The following MYLK3 variants were observed in gnomAD, a reference collection of about 807,000 sequenced individuals.
The protein encoded by MYLK3 is MLC kinase.
Under a neutral mutation model 76.3 loss-of-function variants are expected in MYLK3, and 55 were observed. The observed-to-expected ratio is 0.72, with a 90% CI of 0.58 to 0.90. The LOEUF (loss-of-function observed/expected upper bound fraction) is 0.90. Among genes scored for constraint, MYLK3 ranks in the 40% least tolerant of loss-of-function variants. The pLI is 0.00. For synonymous variants in MYLK3, 416 were observed against 425.4 expected, an observed-to-expected ratio of 0.98 and a Z score of 0.27; for missense variants, 973 against 1,053.6, an observed-to-expected ratio of 0.92 and a Z score of 1.06.
rs780286175 is a variant in MYLK3, at chr16:46,727,355, C to T, written c.1795G>A (p.Asp599Asn). 24 of 1,612,360 alleles carry T rather than the reference C, an allele frequency of 1.5e-5. No homozygotes were observed. Among genetic ancestry groups the T allele is most frequent in the East Asian group, 4.5e-5 (2 of 44,840 alleles). The change falls in exon 8 of 13, where the codon GAC becomes AAC. Residue 599 changes from aspartate to asparagine, a missense_variant. Transcript: ENST00000394809. ...MEYVDGGELF[D>N]RITDEKYHLT... The stretch of plus-strand genomic sequence containing the variant: ...TGGTACTTCTCATCTGTGATCCGGT[C>T]GAAGAGCTCACCCCCGTCCACGCTG...
chr16:46,747,481 A>G (rs1430169038), intron 1 of MYLK3, among the ~76,000 whole-genome samples: 1 of 152,178 alleles, frequency 6.6e-6, no homozygotes, highest in Non-Finnish European at 1.5e-5. Flanking sequence ...AGCTGCCAAG[A>G]CCCTGCAGTC....
intron 9 of MYLK3, among the ~76,000 whole-genome samples, chr16:46,717,931 C>T (rs1966760417): frequency 6.6e-6 from 1 of 152,198 alleles, no homozygotes; most frequent in African/African-American, 2.4e-5. Context: ...TGCAAATGCT[C>T]ATTTGGCAGC....
rs550224335 is a variant in MYLK3 at position 46,722,077 on chromosome 16, C to G, written c.1915-884G>C. ...GTGGCAGCCTTGGCACGCCTCTCCT[C>G]TTAGGGCATTTGGATCAGCTCTGAG... is the stretch of plus-strand genomic sequence containing the variant. On this transcript the variant is annotated intron_variant, in intron 8 of 12. Transcript: ENST00000394809. Among the ~76,000 whole-genome samples, 7 of 152,164 alleles carry G rather than the reference C, an allele frequency of 4.6e-5. No homozygotes were observed. The East Asian group carries it at 1.2e-3, about 25-fold the overall frequency.
At chr16:46,717,582 C>A (rs746880309) in intron 9 of MYLK3, among the ~76,000 whole-genome samples, 1 of 152,074 alleles carries the variant, frequency 6.6e-6, no homozygotes, top group African/African-American at 2.4e-5. Flanking sequence ...CAGCCCATAA[C>A]TCACAGGGCG....
chr16:46,727,220 C>G lies in MYLK3; in HGVS notation c.1914+16G>C. ...GACACCAGGGGCCCCTACCGCATGC[C>G]CAGGGCAGAACCCACCTTGAGGTCC... On this transcript the variant is annotated intron_variant, in intron 8 of 12. Coordinates refer to ENST00000394809, the MANE Select transcript of MYLK3 (RefSeq NM_182493.3). 9.3e-6 allele frequency: 15 copies of G among 1,611,036 alleles called. No individual in the cohort carries two copies. Among genetic ancestry groups the G allele is most frequent in the Non-Finnish European group, 1.3e-5 (15 of 1,177,670 alleles).
At chr16:46,714,260 T>C (rs1966714750) in intron 9 of MYLK3, among the ~76,000 whole-genome samples, 1 of 152,234 alleles carries the variant, frequency 6.6e-6, no homozygotes, top group South Asian at 2.1e-4. Flanking sequence ...GTAGGATTAT[T>C]GTCCCCATTT....
Position 46,703,448 on chromosome 16 carries a change from CTCACCAATTCT to C in MYLK3, c.*4245_*4255del, listed in dbSNP as rs1345123144. ...GGGAGAATGCCATTTTCCCCACAGC[CTCACCAATTCT>C]TCACCAATCTGACAGGTGGAAAAAG... On this transcript the variant is annotated 3_prime_UTR_variant, in exon 13 of 13. Transcript: ENST00000394809. 1.3e-5 allele frequency: 2 copies of C among 152,198 alleles called. No individual in the cohort carries two copies. Among genetic ancestry groups the C allele is most frequent in the East Asian group, 1.9e-4 (1 of 5,198 alleles). The allele number at this position is 152,198 out of a possible 1,614,324, so 9.4% of individuals were successfully genotyped here. A position where few individuals can be genotyped will look rare whatever the true frequency, so the allele number is the denominator to read the frequency against.
Position 46,704,382 on chromosome 16 carries a change from A to ACAC in MYLK3, c.*3321_*3322insGTG, listed in dbSNP as rs1966605266. 6.6e-6 allele frequency: 1 copy of ACAC among 152,152 alleles called. No individual in the cohort carries two copies. Among genetic ancestry groups the ACAC allele is most frequent in the African/African-American group, 2.4e-5 (1 of 41,430 alleles). 9.4% of individuals were successfully genotyped at this position (152,152 alleles called of 1,614,324 possible). ...ATGTGAGCCACCATGCCTAGCCTTGACATGTGTTTTTAAGTGTAAAATATA... is the reference window on the plus strand; with the variant it reads ...ATGTGAGCCACCATGCCTAGCCTTGACACCATGTGTTTTTAAGTGTAAAATATA... On this transcript the variant is annotated 3_prime_UTR_variant, in exon 13 of 13. Coordinates refer to ENST00000394809, the MANE Select transcript of MYLK3 (RefSeq NM_182493.3).
chr16:46,750,403 A>ATTGCTG (rs1967107548), upstream of MYLK3, among the ~76,000 whole-genome samples: 3 of 152,236 alleles, frequency 2.0e-5, no homozygotes, highest in African/African-American at 7.2e-5. Context: ...TGGGTTAATA[A>ATTGCTG]AGCCGGAAAG....
chr16:46,763,090 A>G, exon 1 of MYLK3: 1 of 985,316 alleles, frequency 1.0e-6, no homozygotes, highest in African/African-American at 1.7e-5. Context: ...TTGTTTTCAT[A>G]AGTCTCCAGT....
chr16:46,743,105 C>T (rs992878751), intron 1 of MYLK3, among the ~76,000 whole-genome samples: 8 of 152,208 alleles, frequency 5.3e-5, no homozygotes, highest in Non-Finnish European at 2.9e-5. Flanking sequence ...TGCTTCCTCA[C>T]ACACCATTCT....
chr16:46,749,620 G>A (rs968810261), upstream of MYLK3, among the ~76,000 whole-genome samples: 6 of 152,148 alleles, frequency 3.9e-5, no homozygotes, highest in African/African-American at 9.7e-5. Context: ...GTGGTGGCAC[G>A]CACCTGTGGA....
upstream of MYLK3, among the ~76,000 whole-genome samples, chr16:46,751,422 A>G (rs1406468865): frequency 1.3e-5 from 2 of 152,160 alleles, no homozygotes; most frequent in African/African-American, 4.8e-5. Context: ...AGAAAAAAAA[A>G]AGAATTAAAT....
upstream of MYLK3, among the ~76,000 whole-genome samples, chr16:46,751,559 C>T (rs547127112): frequency 2.0e-5 from 3 of 152,180 alleles, no homozygotes; most frequent in Non-Finnish European, 2.9e-5. Context: ...CCTGGATTCC[C>T]GGAGGCACCA....
intron 8 of MYLK3, 43 bp from the exon 9 acceptor site, chr16:46,721,236 G>A (rs1966796415): frequency 1.3e-6 from 2 of 1,586,342 alleles, no homozygotes; most frequent in Non-Finnish European, 8.7e-7. Context: ...AATAGCTGAG[G>A]AGGTCTGCAG....
At chr16:46,740,969 T>C (rs924479180) in intron 1 of MYLK3, among the ~76,000 whole-genome samples, 59 of 152,282 alleles carry the variant, frequency 3.9e-4, no homozygotes, top group Admixed American at 3.5e-3. Flanking sequence ...AGTGCCAAGG[T>C]CAATTAGTAA....
At chr16:46,726,685 G>GAAAGAAAGAAAGAAAGAAAGAAAGA (rs1966841701) in intron 8 of MYLK3, 2 of 121,560 alleles carry the variant, frequency 1.6e-5, no homozygotes, top group Non-Finnish European at 3.4e-5. Context: ...GAGAAAGAAA[G>GAAAGAAAGAAAGAAAGAAAGAAAGA]AAAGAAAGAA....
At chr16:46,742,813 G>T (rs1004256075) in intron 1 of MYLK3, among the ~76,000 whole-genome samples, 10 of 152,200 alleles carry the variant, frequency 6.6e-5, no homozygotes, top group African/African-American at 2.4e-4. Flanking sequence ...CATCAATGTG[G>T]CCCAGATCCC....
intron 9 of MYLK3, among the ~76,000 whole-genome samples, chr16:46,713,774 C>T (rs951157143): frequency 6.6e-6 from 1 of 152,240 alleles, no homozygotes; most frequent in African/African-American, 2.4e-5. Context: ...ATCCAACTCT[C>T]TGCCTGTAAG....
Sources: gnomAD v4.1 joint callset for allele counts (sites outside exome capture counted in the v4.1 genomes callset) on GRCh38, gnomAD v4.1.1 for gene constraint, MANE v1.5 for transcripts, NCBI Gene and HGNC (gene_info 2026-07-23, HGNC 2026-07-21) for gene names.